BPTF: variants seen among roughly 807,000 people sequenced by gnomAD.
BPTF encodes nucleosome-remodeling factor subunit BPTF.
A neutral mutation model predicts 292.5 loss-of-function variants in BPTF; 18 were observed. That is an observed-to-expected ratio of 0.06 (90% CI 0.04 to 0.09). The LOEUF (loss-of-function observed/expected upper bound fraction) is 0.09. Among genes scored for constraint, BPTF ranks in the 10% least tolerant of loss-of-function variants. The pLI is 1.00. For synonymous variants in BPTF, 1,225 were observed against 1,251.9 expected, an observed-to-expected ratio of 0.98 and a Z score of 0.45; for missense variants, 2,726 against 3,498.7, an observed-to-expected ratio of 0.78 and a Z score of 5.57.
At chr17:67,903,441 CTG>C (rs949596347) in intron 7 of BPTF, among the ~76,000 whole-genome samples, 12 of 152,214 alleles carry the variant, frequency 7.9e-5, no homozygotes, top group East Asian at 5.8e-4. Context: ...TGATTAAAAA[CTG>C]TGGTTGTGTG....
intron 7 of BPTF, among the ~76,000 whole-genome samples, chr17:67,894,834 A>T (rs2061340629): frequency 6.6e-6 from 1 of 152,206 alleles, no homozygotes; most frequent in African/African-American, 2.4e-5. Flanking sequence ...CCAACCAAAG[A>T]TCATATAGCT....
chr17:67,844,469 G>A (rs1018719311), intron 1 of BPTF, among the ~76,000 whole-genome samples: 10 of 151,176 alleles, frequency 6.6e-5, no homozygotes, highest in Non-Finnish European at 1.0e-4. Flanking sequence ...GTATGGTCTC[G>A]ATCTCCTGAC....
At chr17:67,931,810 T>C in intron 17 of BPTF, 101 bp from the exon 18 acceptor site, 1 of 777,780 alleles carries the variant, frequency 1.3e-6, no homozygotes, top group Non-Finnish European at 2.0e-6. Context: ...CCTGTAAACA[T>C]TTTTATTAAT....
At chr17:67,867,337 A>T (rs1443696047) in intron 3 of BPTF, among the ~76,000 whole-genome samples, 11 of 152,344 alleles carry the variant, frequency 7.2e-5, no homozygotes, top group Non-Finnish European at 1.6e-4. Context: ...TTGCCTTTTT[A>T]AAAAAATAAA....
chr17:67,936,085 G>A (rs1243034221), intron 18 of BPTF, among the ~76,000 whole-genome samples: 1 of 152,150 alleles, frequency 6.6e-6, no homozygotes, highest in Non-Finnish European at 1.5e-5. Context: ...TCTTGGAAAT[G>A]GGTAGGAAAT....
At chr17:67,916,465 C>G (rs2062995241) in intron 11 of BPTF, among the ~76,000 whole-genome samples, 1 of 152,130 alleles carries the variant, frequency 6.6e-6, no homozygotes, top group Non-Finnish European at 1.5e-5. Context: ...TGGCGGGCGC[C>G]TGTAATCCCA....
chr17:67,975,129 C>T lies in BPTF; in HGVS notation c.8540-643C>T, dbSNP rs782662541. The T allele has an allele frequency of 1.3e-5, 2 of 152,302 alleles. 1 individual carries two copies. Among genetic ancestry groups the T allele is most frequent in the Admixed American group, 1.3e-4 (2 of 15,294 alleles). The allele number at this position is 152,302 out of a possible 1,614,324, so 9.4% of individuals were successfully genotyped here. A position where few individuals can be genotyped will look rare whatever the true frequency, so the allele number is the denominator to read the frequency against. ...AAGTGTCAGGAAATGGGGACAAAAACCAAATATATATTTCACAATATCACA... is the reference window on the plus strand; with the variant it reads ...AAGTGTCAGGAAATGGGGACAAAAATCAAATATATATTTCACAATATCACA... On this transcript the variant is annotated intron_variant, in intron 26 of 27. Transcript: ENST00000306378.
chr17:67,886,375 T>TTG (rs1555634838), intron 4 of BPTF: 449 of 1,220,212 alleles, frequency 3.7e-4, no homozygotes, highest in East Asian at 2.6e-3. Context: ...TTTCTTTTTT[T>TTG]TGTGTGTGTG....
Position 67,909,610 on chromosome 17 carries a change from T to C in BPTF, c.2841T>C (p.Asp947=). The change falls in exon 10 of 28, where the codon GAT becomes GAC. Residue 947 remains aspartate (D), a synonymous_variant. Coordinates refer to ENST00000306378, the MANE Select transcript of BPTF (RefSeq NM_182641.4). ...GTKNNMDENM[D]ESDKRKCSRS... is the part of the protein sequence containing the mutation. ...AAAATAATATGGATGAAAATATGGA[T>C]GAGTCAGATAAAAGAAAATGTTCAC... is the stretch of plus-strand genomic sequence containing the variant. The C allele has an allele frequency of 6.4e-7, 1 of 1,571,642 alleles. No homozygotes were observed. Among genetic ancestry groups the C allele is most frequent in the South Asian group, 1.2e-5 (1 of 81,436 alleles).
At chr17:67,837,530 C>T (rs1567866615) in intron 1 of BPTF, among the ~76,000 whole-genome samples, 1 of 152,082 alleles carries the variant, frequency 6.6e-6, no homozygotes, top group Admixed American at 6.6e-5. Context: ...GCCTCAGCCT[C>T]CTGAGTAGCT....
At chr17:67,917,912 C>T (rs189610240) in intron 11 of BPTF, among the ~76,000 whole-genome samples, 4 of 152,250 alleles carry the variant, frequency 2.6e-5, no homozygotes, top group African/African-American at 9.6e-5. Context: ...CCCAGGTTCA[C>T]GCCGTTCTTC....
In BPTF at chr17:67,866,610, A is replaced by G; in HGVS notation, c.1583A>G (p.His528Arg). 1.9e-6 allele frequency: 3 copies of G among 1,614,006 alleles called. No individual in the cohort carries two copies. In the East Asian group the frequency reaches 6.7e-5, roughly 36 times the overall value. ...CTAGAAGAAATGCGTGAAGAAATCC[A>G]CCGACACATGGACATAACTGAAGAC... ...KILEEMREEI[H>R]RHMDITEDLT... The change falls in exon 3 of 28, where the codon CAC (histidine) becomes CGC (arginine). Residue 528 changes from histidine to arginine, a missense_variant. Physicochemically the swap from His to Arg is conservative, Grantham distance 29. Around this residue, in one of 22 missense-constraint regions of BPTF, gnomAD observed 187 missense variants for 201.5 expected, o/e 0.93. Transcript: ENST00000306378.
intron 24 of BPTF, among the ~76,000 whole-genome samples, chr17:67,963,886 T>C (rs1259619462): frequency 6.6e-6 from 1 of 152,238 alleles, no homozygotes; most frequent in Non-Finnish European, 1.5e-5. Context: ...TATTAGCTTA[T>C]AGGATTTTGA....
chr17:67,923,103 TG>T, intron 14 of BPTF, 113 bp downstream of exon 14: 1 of 1,211,384 alleles, frequency 8.3e-7, no homozygotes, highest in Non-Finnish European at 1.1e-6. Context: ...TCACCCAGGC[TG>T]GAGTGCAGTG....
intron 7 of BPTF, among the ~76,000 whole-genome samples, chr17:67,894,818 C>G (rs1486635217): frequency 2.0e-5 from 3 of 152,150 alleles, no homozygotes; most frequent in Non-Finnish European, 2.9e-5. Flanking sequence ...TTTTAAAGTT[C>G]ATTGTCCAAC....
intron 2 of BPTF, among the ~76,000 whole-genome samples, chr17:67,855,374 T>C (rs1429713977): frequency 6.6e-6 from 1 of 152,212 alleles, no homozygotes; most frequent in Admixed American, 6.5e-5. Context: ...TGTTCCTCTA[T>C]AGCCTAGCTC....
intron 1 of BPTF, among the ~76,000 whole-genome samples, chr17:67,839,335 T>A (rs61024674): frequency 0.1 from 15,242 of 151,584 alleles, 2,573 homozygotes; most frequent in African/African-American, 0.35. Context: ...AGTTTTTTTT[T>A]AAAAAAAAAT....
chr17:67,903,939 T>A (rs1598543350), intron 8 of BPTF, 21 bp downstream of exon 8: 1 of 1,569,836 alleles, frequency 6.4e-7, no homozygotes, highest in East Asian at 2.3e-5. Flanking sequence ...CAACAACCCT[T>A]TAAAATAGTG....
At chr17:67,892,104 T>C (rs2061153641) in intron 5 of BPTF, 70 bp downstream of exon 5, 2 of 1,206,056 alleles carry the variant, frequency 1.7e-6, no homozygotes, top group Admixed American at 3.0e-5. Flanking sequence ...ACCTTAAAAA[T>C]AGGGGCTGGA....
Sources: allele counts gnomAD v4.1 joint callset (sites outside exome capture counted in the v4.1 genomes callset), GRCh38; gene constraint gnomAD v4.1.1; regional missense constraint gnomAD v4.1.1; transcripts MANE v1.5; gene names NCBI Gene and HGNC (gene_info 2026-07-23, HGNC 2026-07-21).